The following STOX2 variants were observed in gnomAD, a reference collection of about 807,000 sequenced individuals.
STOX2 encodes storkhead-box protein 2.
Under a neutral mutation model 60.9 loss-of-function variants are expected in STOX2, and 28 were observed. The ratio of observed to expected loss-of-function variants is 0.46; its 90% confidence interval spans 0.34 to 0.63. The LOEUF (loss-of-function observed/expected upper bound fraction) is 0.63, where lower values mean the gene tolerates loss of function less well. Ranked by LOEUF, STOX2 falls within the 30% of genes least tolerant of loss-of-function variation. The pLI, the probability that STOX2 is intolerant of heterozygous loss-of-function variation, is 0.01. For synonymous variants in STOX2, 472 were observed against 463.9 expected (o/e 1.02, Z -0.22); for missense variants, 1,024 against 1,187.7 (o/e 0.86, Z 2.03).
At chr4:183,824,435 G>A (rs943501395) in intron 1 of STOX2, among the ~76,000 whole-genome samples, 20 of 152,254 alleles carry the variant, frequency 1.3e-4, no homozygotes, top group Middle Eastern at 6.8e-3. Flanking sequence ...GAAAAGGCAC[G>A]CTGGAGAGAG....
At chr4:183,822,102 C>T (rs574565842) in intron 1 of STOX2, among the ~76,000 whole-genome samples, 3 of 152,338 alleles carry the variant, frequency 2.0e-5, no homozygotes, top group African/African-American at 7.2e-5. Flanking sequence ...TATGGAGTCT[C>T]TGCCACCCAC....
At position 184,002,689 on chromosome 4, in the gene STOX2, A is replaced by G. The variant is rs192382252; in HGVS notation, c.319+1212A>G. Reference sequence around the variant, plus strand: ...GCTTTGTTCATGCCAGCCCATTAACACTGCAGTGACCAACACAAACCTGCT... The same window carrying G: ...GCTTTGTTCATGCCAGCCCATTAACGCTGCAGTGACCAACACAAACCTGCT... On this transcript the variant is annotated intron_variant, in intron 2 of 3. Transcript: ENST00000308497. Among the ~76,000 whole-genome samples the G allele has an allele frequency of 1.4e-4, 22 of 152,298 alleles. 1 individual carries two copies. In the East Asian group the frequency reaches 3.7e-3, roughly 25 times the overall value.
chr4:183,987,020 G>T (rs1732872435), intron 1 of STOX2, among the ~76,000 whole-genome samples: 1 of 152,172 alleles, frequency 6.6e-6, no homozygotes, highest in East Asian at 1.9e-4. Flanking sequence ...AGAATTTGCT[G>T]CAGAATCGTC....
At chr4:183,867,858 T>G (rs976092302) in intron 1 of STOX2, among the ~76,000 whole-genome samples, 3 of 152,178 alleles carry the variant, frequency 2.0e-5, no homozygotes, top group African/African-American at 7.2e-5. Flanking sequence ...TGCAATTCAC[T>G]ACAAGTGCCA....
intron 1 of STOX2, among the ~76,000 whole-genome samples, chr4:183,859,766 G>GT: frequency 6.6e-6 from 1 of 152,192 alleles, no homozygotes; most frequent in Non-Finnish European, 1.5e-5. Flanking sequence ...ACATGTCACT[G>GT]GGATGATCCA....
intron 1 of STOX2, among the ~76,000 whole-genome samples, chr4:183,971,515 T>C (rs1188904792): frequency 2.0e-5 from 3 of 152,182 alleles, no homozygotes; most frequent in African/African-American, 7.2e-5. Context: ...TCAATCAGTT[T>C]GGCTTCTCAT....
intron 1 of STOX2, among the ~76,000 whole-genome samples, chr4:183,957,488 C>G (rs575949106): frequency 7.5e-6 from 1 of 133,412 alleles, no homozygotes; most frequent in African/African-American, 3.4e-5. Context: ...ATTTGTTGAA[C>G]GAAAATAAGC....
chr4:183,996,405 GTAAA>G (rs1440527965), intron 1 of STOX2, among the ~76,000 whole-genome samples: 1 of 152,202 alleles, frequency 6.6e-6, no homozygotes, highest in African/African-American at 2.4e-5. Context: ...TTATAGACAA[GTAAA>G]TTATAATCCA....
chr4:183,930,292 A>G (rs1742382780), intron 1 of STOX2, among the ~76,000 whole-genome samples: 1 of 151,860 alleles, frequency 6.6e-6, no homozygotes, highest in Non-Finnish European at 1.5e-5. Context: ...CAGCCTCCAG[A>G]GTAGCTGGGA....
At position 184,001,530 on chromosome 4, in the gene STOX2, C is replaced by T. The variant is rs1733592455; in HGVS notation, c.319+53C>T. ...CAGGTGGCGGTGTGCTGTGGTCGCT[C>T]TAGGACTCACGTGGACTGTTCTGCC... On this transcript the variant is annotated intron_variant, in intron 2 of 3. Transcript: ENST00000308497. The surrounding 1 kb of genome is among the most constrained non-coding windows in gnomAD (Gnocchi z 4.2). 6.3e-7 allele frequency: 1 copy of T among 1,580,100 alleles called. No homozygotes were observed. Among genetic ancestry groups the T allele is most frequent in the Non-Finnish European group, 8.6e-7 (1 of 1,156,424 alleles).
chr4:183,835,285 C>T (rs575225249), intron 1 of STOX2, among the ~76,000 whole-genome samples: 28 of 149,544 alleles, frequency 1.9e-4, no homozygotes, highest in African/African-American at 4.2e-4. Context: ...AGTGCAGTGG[C>T]GCAATCTCAG....
chr4:183,906,993 GC>G, intron 1 of STOX2, 37 bp downstream of exon 1: 1 of 1,488,718 alleles, frequency 6.7e-7, no homozygotes. Flanking sequence ...CCGGGCCGGG[GC>G]CGCGGGACGT....
Position 183,989,007 on chromosome 4 carries a change from C to T in STOX2, c.167-12318C>T, listed in dbSNP as rs144967657. Among the ~76,000 whole-genome samples the T allele has an allele frequency of 4.3e-3, 654 of 152,260 alleles. 11 individuals are homozygous for T. Among genetic ancestry groups the T allele is most frequent in the African/African-American group, 0.015 (630 of 41,540 alleles). On this transcript the variant is annotated intron_variant, in intron 1 of 3. Transcript: ENST00000308497. ...GCCCACCACACACGACCTCACCAGCCCAGGTCATCCCAGAGCTGCTCACGG... is the reference window on the plus strand; with the variant it reads ...GCCCACCACACACGACCTCACCAGCTCAGGTCATCCCAGAGCTGCTCACGG...
At position 183,932,948 on chromosome 4, in the gene STOX2, G is replaced by T. The variant is rs182230303; in HGVS notation, c.166+25992G>T. On this transcript the variant is annotated intron_variant, in intron 1 of 3. Coordinates refer to ENST00000308497, the MANE Select transcript of STOX2 (RefSeq NM_020225.3). The stretch of plus-strand genomic sequence containing the variant: ...TTCAAAAATAACTAGTATTTATAAG[G>T]CACTTATTCTGCAGAGCTTGCCTCT... Among the ~76,000 whole-genome samples, 10 of 152,288 alleles carry T rather than the reference G, an allele frequency of 6.6e-5. No homozygotes were observed. The East Asian group carries it at 1.5e-3, about 23-fold the overall frequency.
intron 1 of STOX2, among the ~76,000 whole-genome samples, chr4:183,984,474 T>G (rs1732768713): frequency 6.6e-6 from 1 of 152,232 alleles, no homozygotes; most frequent in Admixed American, 6.5e-5. Flanking sequence ...TGAGAGAGTG[T>G]GCACCAAGGT....
At chr4:184,007,578 CT>C in intron 2 of STOX2, among the ~76,000 whole-genome samples, 1 of 152,326 alleles carries the variant, frequency 6.6e-6, no homozygotes, top group South Asian at 2.1e-4. Context: ...AGAGGCTGAG[CT>C]GCCTAAGGTG....
chr4:183,970,424 G>A (rs75284491), intron 1 of STOX2, among the ~76,000 whole-genome samples: 4,371 of 152,160 alleles, frequency 0.029, 78 homozygotes, highest in Admixed American at 0.064. Flanking sequence ...GCTCCTCAGG[G>A]AGTCCCACTA....
chr4:183,823,054 C>G (rs1739338464), intron 1 of STOX2, among the ~76,000 whole-genome samples: 1 of 152,166 alleles, frequency 6.6e-6, no homozygotes, highest in African/African-American at 2.4e-5. Flanking sequence ...GTTTTTCTTT[C>G]AATATAAATG....
At chr4:183,901,656 A>T (rs576531577), upstream of STOX2, among the ~76,000 whole-genome samples, 15 of 145,766 alleles carry the variant, frequency 1.0e-4, no homozygotes, top group Non-Finnish European at 2.3e-4. Flanking sequence ...ATCTCATTGT[A>T]GTTTTGATTT....
Sources: allele counts gnomAD v4.1 joint callset (sites outside exome capture counted in the v4.1 genomes callset), GRCh38; gene constraint gnomAD v4.1.1; non-coding constraint Gnocchi (gnomAD v3.1); transcripts MANE v1.5; gene names NCBI Gene and HGNC (gene_info 2026-07-23, HGNC 2026-07-21).